Variants in ZFAND3 observed in about 807,000 individuals in gnomAD.
The protein encoded by ZFAND3 is AN1-type zinc finger protein 3.
Under a neutral mutation model 29.6 loss-of-function variants are expected in ZFAND3, and 10 were observed. The ratio of observed to expected loss-of-function variants is 0.34; its 90% CI spans 0.21 to 0.57. ZFAND3 has a LOEUF of 0.57. Among genes scored for constraint, ZFAND3 ranks in the 20% least tolerant of loss-of-function variants. ZFAND3 has a pLI of 0.86. For missense variants in ZFAND3, 230 were observed against 304.5 expected, an observed-to-expected ratio of 0.76 and a Z score of 1.82; for synonymous variants, 128 against 112.6, an observed-to-expected ratio of 1.14 and a Z score of -0.87.
At chr6:37,958,135 T>A (rs1762133095) in intron 2 of ZFAND3, among the ~76,000 whole-genome samples, 1 of 152,176 alleles carries the variant, frequency 6.6e-6, no homozygotes, top group Non-Finnish European at 1.5e-5. Flanking sequence ...CTGTAAATTT[T>A]CAGTACAAAA....
chr6:38,122,523 C>T (rs962757446), intron 5 of ZFAND3, among the ~76,000 whole-genome samples: 1 of 152,150 alleles, frequency 6.6e-6, no homozygotes, highest in African/African-American at 2.4e-5. Flanking sequence ...TTTCTGCTGG[C>T]TCCTGTGCTC....
At chr6:38,097,461 A>T (rs184216683) in intron 4 of ZFAND3, among the ~76,000 whole-genome samples, 6 of 152,206 alleles carry the variant, frequency 3.9e-5, no homozygotes, top group Non-Finnish European at 7.4e-5. Flanking sequence ...AGCAGTGAGT[A>T]TAGGTATTAA....
chr6:38,048,648 T>C (rs1581871258), intron 2 of ZFAND3, among the ~76,000 whole-genome samples: 1 of 109,252 alleles, frequency 9.2e-6, no homozygotes, highest in South Asian at 3.0e-4. Flanking sequence ...AATGCCTGTT[T>C]TATGAGGGGC....
chr6:37,992,034 A>T (rs1327570494), intron 2 of ZFAND3, among the ~76,000 whole-genome samples: 2 of 152,182 alleles, frequency 1.3e-5, no homozygotes, highest in Non-Finnish European at 2.9e-5. Flanking sequence ...TGTGATTTGC[A>T]TTTTTTTGAA....
At chr6:37,880,304 G>A (rs1764868205) in intron 1 of ZFAND3, among the ~76,000 whole-genome samples, 1 of 152,170 alleles carries the variant, frequency 6.6e-6, no homozygotes, top group Admixed American at 6.5e-5. Context: ...GTGTCAGCAG[G>A]GATGTTGCAG....
chr6:37,867,529 TA>T (rs2127386653), intron 1 of ZFAND3, among the ~76,000 whole-genome samples: 1 of 152,342 alleles, frequency 6.6e-6, no homozygotes, highest in African/African-American at 2.4e-5. Flanking sequence ...GTGGCACCCC[TA>T]TTTAAGGAAA....
intron 1 of ZFAND3, among the ~76,000 whole-genome samples, chr6:37,851,878 C>T (rs1385498675): frequency 2.6e-5 from 4 of 152,152 alleles, no homozygotes; most frequent in Non-Finnish European, 5.9e-5. Flanking sequence ...CCCTCAGTAG[C>T]TCAATTTCTG....
At chr6:37,828,097 A>G (rs1236676267) in intron 1 of ZFAND3, among the ~76,000 whole-genome samples, 1 of 152,230 alleles carries the variant, frequency 6.6e-6, no homozygotes, top group African/African-American at 2.4e-5. Context: ...TTACACACTG[A>G]TAAGTTGAAG....
intron 4 of ZFAND3, among the ~76,000 whole-genome samples, chr6:38,103,758 G>C (rs1005473568): frequency 3.9e-5 from 6 of 152,082 alleles, no homozygotes; most frequent in African/African-American, 1.4e-4. Context: ...AGGGGACTTG[G>C]GCATGTGGAC....
At chr6:37,902,271 A>G (rs1274403463) in intron 1 of ZFAND3, among the ~76,000 whole-genome samples, 1 of 152,116 alleles carries the variant, frequency 6.6e-6, no homozygotes, top group Admixed American at 6.6e-5. Context: ...CAACATGGTG[A>G]AACAAAAAAT....
In ZFAND3 at chr6:38,114,238, C is replaced by A. The variant is rs112897462; in HGVS notation, c.362-2334C>A. Among the ~76,000 whole-genome samples the A allele has an allele frequency of 4.1e-4, 62 of 152,330 alleles. 1 individual carries two copies. Among genetic ancestry groups the A allele is most frequent in the Admixed American group, 7.8e-4 (12 of 15,306 alleles). ...AAAATTCTAAATAGGGTTATTGATA[C>A]AAATAGAGCCATTGCTGGTTTGTGT... is the stretch of plus-strand genomic sequence containing the variant. On this transcript the variant is annotated intron_variant, in intron 4 of 5. Coordinates refer to ENST00000287218, the MANE Select transcript of ZFAND3 (RefSeq NM_021943.3).
At chr6:38,021,246 C>T (rs768534472) in intron 2 of ZFAND3, among the ~76,000 whole-genome samples, 3 of 152,094 alleles carry the variant, frequency 2.0e-5, no homozygotes, top group Non-Finnish European at 2.9e-5. Context: ...CCAGCTGCCG[C>T]GATAAGTAAT....
chr6:38,144,232 T>TTATATATATATATA (rs1766055182), intron 5 of ZFAND3, among the ~76,000 whole-genome samples: 3 of 48,294 alleles, frequency 6.2e-5, no homozygotes, highest in Non-Finnish European at 1.2e-4. Context: ...TATATATATA[T>TTATATATATATATA]TTTTTTTTTA....
chr6:38,111,527 C>A (rs1030554605), intron 4 of ZFAND3, among the ~76,000 whole-genome samples: 2 of 152,192 alleles, frequency 1.3e-5, no homozygotes, highest in East Asian at 1.9e-4. Context: ...ACCAGCCCCC[C>A]ACTCCTCCTT....
intron 1 of ZFAND3, among the ~76,000 whole-genome samples, chr6:37,847,517 T>C (rs1764203225): frequency 6.6e-6 from 1 of 152,176 alleles, no homozygotes; most frequent in South Asian, 2.1e-4. Context: ...GAGGTTGCAG[T>C]GAGCCGAGAT....
At chr6:38,123,948 C>T (rs928290790) in intron 5 of ZFAND3, among the ~76,000 whole-genome samples, 9 of 152,056 alleles carry the variant, frequency 5.9e-5, no homozygotes, top group Non-Finnish European at 7.4e-5. Context: ...TGGAAGGGGA[C>T]GCGAGTAGGT....
intron 2 of ZFAND3, among the ~76,000 whole-genome samples, chr6:37,990,198 A>G (rs887672398): frequency 2.0e-4 from 31 of 152,192 alleles, no homozygotes; most frequent in African/African-American, 7.5e-4. Context: ...GTAAGTTTTC[A>G]GGTGATGGTG....
chr6:38,095,627 A>AC (rs1412009462), intron 4 of ZFAND3, among the ~76,000 whole-genome samples: 1 of 152,122 alleles, frequency 6.6e-6, no homozygotes, highest in Non-Finnish European at 1.5e-5. Context: ...TTTTCCAAAT[A>AC]CACCCCCAAG....
chr6:38,140,284 G>T (rs1765922625), intron 5 of ZFAND3, among the ~76,000 whole-genome samples: 1 of 152,144 alleles, frequency 6.6e-6, no homozygotes, highest in Non-Finnish European at 1.5e-5. Context: ...AGAGTGTGAA[G>T]AGTGTAGGAT....
Sources: allele counts gnomAD v4.1 joint callset (sites outside exome capture counted in the v4.1 genomes callset), GRCh38; gene constraint gnomAD v4.1.1; transcripts MANE v1.5; gene names NCBI Gene and HGNC (gene_info 2026-07-23, HGNC 2026-07-21).